GNAL: variants seen among roughly 807,000 people sequenced by gnomAD.
The protein encoded by GNAL is guanine nucleotide-binding protein G(olf) subunit alpha.
Under a neutral mutation model 55.1 loss-of-function variants are expected in GNAL, and 18 were observed. The observed-to-expected ratio is 0.33, with a 90% CI of 0.23 to 0.48. The LOEUF is 0.48. Among genes scored for constraint, GNAL ranks in the 20% least tolerant of loss-of-function variants. The pLI is 0.99. For missense variants in GNAL, 412 were observed against 614.1 expected, an observed-to-expected ratio of 0.67 and a Z score of 3.48; for synonymous variants, 253 against 237.0, an observed-to-expected ratio of 1.07 and a Z score of -0.62.
intron 4 of GNAL, among the ~76,000 whole-genome samples, chr18:11,770,483 G>T (rs1442231507): frequency 6.6e-6 from 1 of 152,120 alleles, no homozygotes; most frequent in African/African-American, 2.4e-5. Context: ...CATTATTCTT[G>T]ATTGTTTCTA....
chr18:11,821,678 AG>A (rs1273655475), intron 4 of GNAL, among the ~76,000 whole-genome samples: 2 of 152,240 alleles, frequency 1.3e-5, no homozygotes, highest in Non-Finnish European at 2.9e-5. Context: ...TGAGGATCCC[AG>A]CCCCGCTGGG....
intron 1 of GNAL, among the ~76,000 whole-genome samples, chr18:11,721,490 A>C (rs999529642): frequency 1.3e-5 from 2 of 152,048 alleles, no homozygotes; most frequent in African/African-American, 4.8e-5. Flanking sequence ...ACGGTGACTC[A>C]AACGCCTGTA....
At chr18:11,880,358 C>G (rs559879414) in intron 11 of GNAL, among the ~76,000 whole-genome samples, 3 of 151,846 alleles carry the variant, frequency 2.0e-5, no homozygotes, top group Admixed American at 6.6e-5. Context: ...CACTTGAGGT[C>G]AGGAGTTTGA....
chr18:11,790,589 G>C (rs2034200944), intron 4 of GNAL, among the ~76,000 whole-genome samples: 1 of 151,124 alleles, frequency 6.6e-6, no homozygotes, highest in Non-Finnish European at 1.5e-5. Flanking sequence ...AGGCCCCTTT[G>C]ACACTTATGT....
At chr18:11,722,776 C>T (rs1459218076) in intron 1 of GNAL, among the ~76,000 whole-genome samples, 1 of 152,088 alleles carries the variant, frequency 6.6e-6, no homozygotes, top group Non-Finnish European at 1.5e-5. Flanking sequence ...CTTTGGGAGG[C>T]CGAGGCAGGT....
rs552406305 is a variant in GNAL, at chr18:11,735,703, C to T, written c.377-17150C>T. Among the ~76,000 whole-genome samples, 8 of 149,242 alleles carry T rather than the reference C, an allele frequency of 5.4e-5. No individual in the cohort carries two copies. The East Asian group carries it at 1.4e-3, about 26-fold the overall frequency. Reference sequence around the variant, plus strand: ...AGAGGTGGAGGAGTTTGCAGTGAGCCGAGATTGTGCCACTGCATTCCAGCC... The same window carrying T: ...AGAGGTGGAGGAGTTTGCAGTGAGCTGAGATTGTGCCACTGCATTCCAGCC... On this transcript the variant is annotated intron_variant, in intron 1 of 11. Transcript: ENST00000334049.
At chr18:11,816,597 C>CT (rs1568040092) in intron 4 of GNAL, among the ~76,000 whole-genome samples, 3 of 152,040 alleles carry the variant, frequency 2.0e-5, no homozygotes, top group African/African-American at 4.8e-5. Flanking sequence ...CCCGGCCACT[C>CT]TAATTTTTTT....
rs1032157087 is a variant in GNAL, at chr18:11,689,402, C to G, written c.-162C>G. ...CCCTCGGCCCCGGCCTGCCGCACCC[C>G]CTTCCCGCAGCTGGCGGCCGGCAGC... On this transcript the variant is annotated 5_prime_UTR_variant, in exon 1 of 12. Coordinates refer to ENST00000334049, the MANE Select transcript of GNAL (RefSeq NM_182978.4). 12 of 362,098 alleles carry G rather than the reference C, an allele frequency of 3.3e-5. No homozygotes were observed. In the East Asian group the frequency reaches 3.7e-4, roughly 11 times the overall value. The allele number at this position is 362,098 out of a possible 1,614,324, so 22.4% of individuals were successfully genotyped here.
intron 4 of GNAL, among the ~76,000 whole-genome samples, chr18:11,759,081 G>C (rs921552663): frequency 6.6e-6 from 1 of 151,996 alleles, no homozygotes; most frequent in South Asian, 2.1e-4. Flanking sequence ...GCTGAGGCAG[G>C]AGAATAACTT....
chr18:11,863,701 T>C (rs1300524814), intron 6 of GNAL, among the ~76,000 whole-genome samples: 1 of 152,008 alleles, frequency 6.6e-6, no homozygotes, highest in East Asian at 1.9e-4. Context: ...GCCAGCTTTG[T>C]GAGGCTGCGT....
intron 1 of GNAL, among the ~76,000 whole-genome samples, chr18:11,735,389 A>C (rs565688446): frequency 5.3e-5 from 8 of 152,128 alleles, no homozygotes; most frequent in Admixed American, 3.3e-4. Context: ...AAGTGAGTTG[A>C]GCTCAATGAA....
Position 11,701,627 on chromosome 18 carries a change from A to G in GNAL, c.376+11688A>G, listed in dbSNP as rs1017424191. On this transcript the variant is annotated intron_variant, in intron 1 of 11. Coordinates refer to ENST00000334049, the MANE Select transcript of GNAL (RefSeq NM_182978.4). ...CTGGGTGCAAACTATGAGCAGAAGC[A>G]GCTGTGAAATCTGCTCCAAGTTTGC... Among the ~76,000 whole-genome samples, 8 of 152,028 alleles carry G rather than the reference A, an allele frequency of 5.3e-5. No individual in the cohort carries two copies. In the South Asian group the frequency reaches 1.7e-3, roughly 32 times the overall value.
chr18:11,872,175 G>A (rs2855639), intron 9 of GNAL, 93 bp from the exon 10 acceptor site: 5 of 734,900 alleles, frequency 6.8e-6, no homozygotes, highest in Non-Finnish European at 9.0e-6. Context: ...TTAGGAAGAC[G>A]ATGGTATTCT....
At chr18:11,808,501 A>T (rs991872570) in intron 4 of GNAL, among the ~76,000 whole-genome samples, 2 of 152,228 alleles carry the variant, frequency 1.3e-5, no homozygotes, top group Admixed American at 6.5e-5. Flanking sequence ...ACCCACCTGG[A>T]TAGGATAAAT....
chr18:11,730,666 A>G (rs1488008224), intron 1 of GNAL, among the ~76,000 whole-genome samples: 2 of 152,066 alleles, frequency 1.3e-5, no homozygotes, highest in African/African-American at 4.8e-5. Flanking sequence ...AAGGAGGCTG[A>G]AGCAGGAAAA....
intron 7 of GNAL, among the ~76,000 whole-genome samples, chr18:11,866,603 C>T (rs1373704160): frequency 2.0e-5 from 3 of 150,392 alleles, no homozygotes; most frequent in Non-Finnish European, 4.4e-5. Context: ...GGAAGCAGCT[C>T]GGGCTGGGCA....
intron 4 of GNAL, chr18:11,811,542 G>A (rs958135302): frequency 6.6e-6 from 1 of 152,138 alleles, no homozygotes; most frequent in Admixed American, 6.5e-5. Context: ...GCCGGGATTC[G>A]AACCCCAGCA....
chr18:11,875,814 T>C (rs1384750126), intron 10 of GNAL, among the ~76,000 whole-genome samples: 1 of 152,220 alleles, frequency 6.6e-6, no homozygotes, highest in Admixed American at 6.5e-5. Context: ...GGATAATTTA[T>C]GAACAACAGA....
At chr18:11,714,660 AG>A (rs2031911414) in intron 1 of GNAL, among the ~76,000 whole-genome samples, 1 of 152,228 alleles carries the variant, frequency 6.6e-6, no homozygotes, top group Non-Finnish European at 1.5e-5. Flanking sequence ...ACTCCGTTTT[AG>A]GGCTCACAAA....
Sources: gnomAD v4.1 joint callset for allele counts (sites outside exome capture counted in the v4.1 genomes callset) on GRCh38, gnomAD v4.1.1 for gene constraint, MANE v1.5 for transcripts, NCBI Gene and HGNC (gene_info 2026-07-23, HGNC 2026-07-21) for gene names.